The following STARD13 variants were observed in gnomAD, a reference collection of about 807,000 sequenced individuals.
STARD13 encodes the protein stAR-related lipid transfer protein 13.
A neutral mutation model predicts 106.4 loss-of-function variants in STARD13; 62 were observed. That is an observed-to-expected ratio of 0.58 (90% confidence interval 0.48 to 0.72). STARD13 has a LOEUF of 0.72. STARD13 is among the 30% of genes least tolerant of loss of function. The pLI is 0.00. For missense variants in STARD13, 1,387 were observed against 1,424.0 expected (o/e 0.97, Z 0.42); for synonymous variants, 565 against 553.0 (o/e 1.02, Z -0.31).
At chr13:33,625,465 G>A in the STARD13 span, among the ~76,000 whole-genome samples, 2 of 152,060 alleles carry the variant, frequency 1.3e-5, no homozygotes, top group Non-Finnish European at 2.9e-5. Flanking sequence ...AGCTACTCGG[G>A]AGGCTGAGGC....
intron 4 of STARD13, 101 bp downstream of exon 4, chr13:33,142,207 ATT>A: frequency 1.1e-6 from 1 of 877,698 alleles, no homozygotes. Flanking sequence ...TATTATTATT[ATT>A]TTTTTGTAGA....
intron 1 of STARD13, among the ~76,000 whole-genome samples, chr13:33,252,322 G>C (rs910777615): frequency 6.6e-6 from 1 of 152,202 alleles, no homozygotes; most frequent in South Asian, 2.1e-4. Flanking sequence ...AGGGCCTCAA[G>C]AGGCTGCCCT....
chr13:33,292,426 A>C (rs1892329119), intron 1 of STARD13, among the ~76,000 whole-genome samples: 1 of 146,308 alleles, frequency 6.8e-6, no homozygotes, highest in Non-Finnish European at 1.5e-5. Context: ...ACCCATCTCT[A>C]CAAAAAAAAA....
chr13:33,499,935 T>G, the STARD13 span, among the ~76,000 whole-genome samples: 1 of 151,738 alleles, frequency 6.6e-6, no homozygotes, highest in African/African-American at 2.4e-5. Flanking sequence ...CAGCAAATTT[T>G]TTGTTGTTGT....
At chr13:33,143,597 G>A (rs965582084) in intron 3 of STARD13, among the ~76,000 whole-genome samples, 1 of 152,090 alleles carries the variant, frequency 6.6e-6, no homozygotes, top group African/African-American at 2.4e-5. Flanking sequence ...CTGTTGCTCA[G>A]GCTGGAGTGC....
chr13:33,295,707 G>C (rs188551796), intron 1 of STARD13, among the ~76,000 whole-genome samples: 25 of 151,038 alleles, frequency 1.7e-4, no homozygotes, highest in African/African-American at 3.7e-4. Context: ...GGGTGCCCGG[G>C]GGGGGCAGAG....
At chr13:33,565,260 T>C in the STARD13 span, among the ~76,000 whole-genome samples, 63 of 146,848 alleles carry the variant, frequency 4.3e-4, 9 homozygotes, top group South Asian at 1.3e-3. Flanking sequence ...ATTGATTGAT[T>C]AATGGGCACA....
At chr13:33,322,473 G>A (rs1019451071) in intron 1 of STARD13, among the ~76,000 whole-genome samples, 26 of 152,148 alleles carry the variant, frequency 1.7e-4, no homozygotes, top group African/African-American at 6.3e-4. Context: ...AACAAATGAA[G>A]CAGAAATTAT....
the STARD13 span, among the ~76,000 whole-genome samples, chr13:33,521,994 C>G: frequency 6.6e-6 from 1 of 152,020 alleles, no homozygotes; most frequent in Admixed American, 6.6e-5. Flanking sequence ...TCCTTTTTAA[C>G]TTTCATTGTT....
chr13:33,329,764 T>C (rs2138555470), intron 1 of STARD13, among the ~76,000 whole-genome samples: 1 of 151,186 alleles, frequency 6.6e-6, no homozygotes, highest in South Asian at 2.1e-4. Flanking sequence ...AGAGCAATGA[T>C]GCAATCTCGG....
chr13:33,295,698 G>C (rs1453061690), intron 1 of STARD13, among the ~76,000 whole-genome samples: 1 of 151,330 alleles, frequency 6.6e-6, no homozygotes, highest in Admixed American at 6.6e-5. Context: ...GTGTGCAGAG[G>C]GTGCCCGGGG....
chr13:33,647,618 T>A, the STARD13 span, among the ~76,000 whole-genome samples: 2 of 152,228 alleles, frequency 1.3e-5, no homozygotes, highest in South Asian at 4.1e-4. Context: ...TTGGAAACTA[T>A]CTTGAAGGAC....
At chr13:33,322,990 T>TA (rs1397213220) in intron 1 of STARD13, among the ~76,000 whole-genome samples, 2 of 152,218 alleles carry the variant, frequency 1.3e-5, no homozygotes, top group Non-Finnish European at 2.9e-5. Flanking sequence ...AACATGGAGA[T>TA]AGAGACATAG....
intron 1 of STARD13, among the ~76,000 whole-genome samples, chr13:33,237,959 C>T (rs940524699): frequency 6.6e-6 from 1 of 152,280 alleles, no homozygotes; most frequent in African/African-American, 2.4e-5. Context: ...TTATGTCTTT[C>T]AAGAACACAT....
At chr13:33,607,360 C>T in the STARD13 span, among the ~76,000 whole-genome samples, 1 of 150,748 alleles carries the variant, frequency 6.6e-6, no homozygotes, top group South Asian at 2.1e-4. Context: ...TGCAGTGGCG[C>T]AATCTCAGCT....
At chr13:33,127,225 G>A (rs756845966) in intron 6 of STARD13, 148 bp downstream of exon 6, 4 of 874,380 alleles carry the variant, frequency 4.6e-6, no homozygotes, top group East Asian at 3.2e-5. Flanking sequence ...TCGAGGCTAC[G>A]GCAGAGCTCA....
the STARD13 span, among the ~76,000 whole-genome samples, chr13:33,513,931 C>T: frequency 5.9e-5 from 9 of 152,116 alleles, no homozygotes; most frequent in Non-Finnish European, 8.8e-5. Context: ...GAAAAAGACA[C>T]TGATAATAAA....
intron 1 of STARD13, among the ~76,000 whole-genome samples, chr13:33,278,844 C>T (rs1360147141): frequency 2.0e-5 from 3 of 152,136 alleles, no homozygotes; most frequent in African/African-American, 7.2e-5. Context: ...AATTGGCCAA[C>T]ATTTCTCTTT....
At chr13:33,386,861 C>T in the STARD13 span, among the ~76,000 whole-genome samples, 1 of 152,078 alleles carries the variant, frequency 6.6e-6, no homozygotes, top group Non-Finnish European at 1.5e-5. Context: ...GCCCTCCTCA[C>T]TCTTCTACCT....
Sources: gnomAD v4.1 joint callset for allele counts (sites outside exome capture counted in the v4.1 genomes callset) on GRCh38, gnomAD v4.1.1 for gene constraint, MANE v1.5 for transcripts, NCBI Gene and HGNC (gene_info 2026-07-23, HGNC 2026-07-21) for gene names.